Variants in PARM1 observed in about 807,000 individuals in gnomAD.
PARM1 encodes prostate androgen-regulated mucin-like protein 1, also known as WSC4, cell wall integrity and stress response component 4 homolog.
Under a neutral mutation model 24.6 loss-of-function variants are expected in PARM1, and 14 were observed. The observed-to-expected ratio is 0.57, with a 90% CI of 0.38 to 0.89. PARM1 has a LOEUF of 0.89. PARM1 is among the 40% of genes least tolerant of loss of function. The pLI is 0.00. For synonymous variants in PARM1, 179 were observed against 156.6 expected (o/e 1.14, Z -1.07); for missense variants, 362 against 380.4 (o/e 0.95, Z 0.40).
At chr4:75,022,202 AT>A (rs1019087698) in intron 2 of PARM1, among the ~76,000 whole-genome samples, 87 of 152,236 alleles carry the variant, frequency 5.7e-4, no homozygotes, top group African/African-American at 1.9e-3. Context: ...TTCTCTAATG[AT>A]TAGTGGTGTT....
chr4:74,967,386 G>C (rs1380465714), intron 1 of PARM1: 4 of 152,012 alleles, frequency 2.6e-5, no homozygotes, highest in Admixed American at 2.6e-4. Flanking sequence ...TGTTTTTTTG[G>C]CCTGTATTCT....
chr4:74,998,826 G>T (rs1722622427), intron 1 of PARM1, among the ~76,000 whole-genome samples: 1 of 152,190 alleles, frequency 6.6e-6, no homozygotes, highest in Non-Finnish European at 1.5e-5. Context: ...CGGATTGCCT[G>T]CCTATCTTTG....
intron 2 of PARM1, among the ~76,000 whole-genome samples, chr4:75,024,566 G>T (rs1239891651): frequency 1.3e-5 from 2 of 152,204 alleles, no homozygotes; most frequent in African/African-American, 4.8e-5. Flanking sequence ...GAAAATACCA[G>T]TGTGGAAGCT....
chr4:75,032,489 C>CTAAAA (rs1723292708), intron 2 of PARM1, among the ~76,000 whole-genome samples: 1 of 152,110 alleles, frequency 6.6e-6, no homozygotes, highest in African/African-American at 2.4e-5. Context: ...AGAAGAGATA[C>CTAAAA]TAAAATAATC....
chr4:74,968,709 TATTC>T (rs1721962110), intron 1 of PARM1, among the ~76,000 whole-genome samples: 1 of 152,228 alleles, frequency 6.6e-6, no homozygotes. Context: ...TTGCATTTTT[TATTC>T]ATTCATTCAG....
rs538579219 is a variant in PARM1 at position 74,984,032 on chromosome 4, C to T, written c.44-28393C>T. Among the ~76,000 whole-genome samples the T allele has an allele frequency of 2.0e-5, 3 of 152,354 alleles. No individual in the cohort carries two copies. In the East Asian group the frequency reaches 5.8e-4, roughly 29 times the overall value. ...TCAGCCATCCAAGTAGCTGGAACTA[C>T]AGGTGTGTGCCACCACATTTGGCTT... On this transcript the variant is annotated intron_variant, in intron 1 of 3. Coordinates refer to ENST00000307428, the MANE Select transcript of PARM1 (RefSeq NM_015393.4).
intron 2 of PARM1, among the ~76,000 whole-genome samples, chr4:75,026,648 GT>G (rs1313749019): frequency 6.6e-6 from 1 of 152,076 alleles, no homozygotes; most frequent in Non-Finnish European, 1.5e-5. Context: ...GGCTTTCAGA[GT>G]TTTTTTGATT....
intron 2 of PARM1, among the ~76,000 whole-genome samples, chr4:75,033,294 C>A (rs1339291898): frequency 6.6e-6 from 1 of 152,162 alleles, no homozygotes; most frequent in African/African-American, 2.4e-5. Flanking sequence ...ATATTTCCCA[C>A]AGAGGAATGT....
intron 1 of PARM1, among the ~76,000 whole-genome samples, chr4:74,960,533 C>T (rs927447689): frequency 6.6e-6 from 1 of 152,068 alleles, no homozygotes; most frequent in East Asian, 1.9e-4. Flanking sequence ...AATTAGCATA[C>T]CCTGGGGAAG....
intron 1 of PARM1, among the ~76,000 whole-genome samples, chr4:74,938,030 G>A (rs535463478): frequency 6.6e-6 from 1 of 152,268 alleles, no homozygotes; most frequent in African/African-American, 2.4e-5. Flanking sequence ...TTAAAGGTCA[G>A]GTCCCCAGAG....
chr4:75,019,900 G>C (rs1189312454), intron 2 of PARM1, among the ~76,000 whole-genome samples: 4 of 150,400 alleles, frequency 2.7e-5, no homozygotes, highest in African/African-American at 9.7e-5. Flanking sequence ...CTACTCGGGA[G>C]GCTGAGGCAG....
At chr4:75,030,136 T>G (rs1221273404) in intron 2 of PARM1, among the ~76,000 whole-genome samples, 2 of 151,968 alleles carry the variant, frequency 1.3e-5, no homozygotes, top group African/African-American at 2.4e-5. Context: ...TACCCAGGGG[T>G]GTCAGGGAAA....
At chr4:74,985,231 A>G (rs1722329630) in intron 1 of PARM1, among the ~76,000 whole-genome samples, 1 of 152,228 alleles carries the variant, frequency 6.6e-6, no homozygotes, top group Non-Finnish European at 1.5e-5. Context: ...TACCTTTTAC[A>G]GCAAGTAATG....
chr4:74,973,005 C>T (rs1443241700), intron 1 of PARM1, among the ~76,000 whole-genome samples: 1 of 152,058 alleles, frequency 6.6e-6, no homozygotes, highest in African/African-American at 2.4e-5. Context: ...GCCTCATTGT[C>T]CTCACTTACA....
At chr4:75,016,675 G>T (rs888969359) in intron 2 of PARM1, among the ~76,000 whole-genome samples, 1 of 152,070 alleles carries the variant, frequency 6.6e-6, no homozygotes, top group African/African-American at 2.4e-5. Flanking sequence ...TCTGCTCGAC[G>T]TTCAGAGTGT....
chr4:74,976,414 A>T (rs1203600016), intron 1 of PARM1, among the ~76,000 whole-genome samples: 1 of 152,090 alleles, frequency 6.6e-6, no homozygotes, highest in Non-Finnish European at 1.5e-5. Context: ...GAATTTCAGC[A>T]ATTCTAGCCA....
In PARM1 at chr4:74,985,830, A is replaced by G. The variant is rs991220398; in HGVS notation, c.44-26595A>G. 5.3e-5 allele frequency among the ~76,000 whole-genome samples: 8 copies of G among 152,242 alleles called. No individual in the cohort carries two copies. In the East Asian group the frequency reaches 1.5e-3, roughly 29 times the overall value. On this transcript the variant is annotated intron_variant, in intron 1 of 3. Coordinates refer to ENST00000307428, the MANE Select transcript of PARM1 (RefSeq NM_015393.4). ...GTCACCCAGGCTGGAGTGCAATGGC[A>G]TGGTCTCGGCTCACTGCAACCTCCA... is the stretch of plus-strand genomic sequence containing the variant.
intron 1 of PARM1, among the ~76,000 whole-genome samples, chr4:74,990,794 G>A (rs1355407847): frequency 5.3e-5 from 8 of 152,062 alleles, no homozygotes; most frequent in South Asian, 2.1e-4. Flanking sequence ...TGTATTTGGC[G>A]CATAAATGCC....
At chr4:74,991,634 C>T (rs1286603870) in intron 1 of PARM1, among the ~76,000 whole-genome samples, 1 of 152,094 alleles carries the variant, frequency 6.6e-6, no homozygotes, top group South Asian at 2.1e-4. Flanking sequence ...CAATTCCTCA[C>T]AGTAATTCAA....
Sources: allele counts gnomAD v4.1 joint callset (sites outside exome capture counted in the v4.1 genomes callset), GRCh38; gene constraint gnomAD v4.1.1; transcripts MANE v1.5; gene names NCBI Gene and HGNC (gene_info 2026-07-23, HGNC 2026-07-21).